Variants in CUX2 observed in about 807,000 individuals in gnomAD.
CUX2 encodes homeobox protein cut-like 2.
A neutral mutation model predicts 144.8 loss-of-function variants in CUX2; 40 were observed. The ratio of observed to expected loss-of-function variants is 0.28; its 90% CI spans 0.21 to 0.36. The LOEUF is 0.36. Ranked by LOEUF, CUX2 falls within the 10% of genes least tolerant of loss-of-function variation. The pLI is 1.00. For missense variants in CUX2, 1,615 were observed against 1,994.0 expected, an observed-to-expected ratio of 0.81 and a Z score of 3.62; for synonymous variants, 827 against 875.6, an observed-to-expected ratio of 0.94 and a Z score of 0.98.
intron 18 of CUX2, among the ~76,000 whole-genome samples, chr12:111,330,695 A>ATG (rs1173817335): frequency 1.1e-3 from 6 of 5,446 alleles, no homozygotes; most frequent in African/African-American, 5.7e-3. Flanking sequence ...ACATATATAT[A>ATG]TATATATATA....
intron 1 of CUX2, among the ~76,000 whole-genome samples, chr12:111,118,394 A>T (rs986867152): frequency 3.3e-5 from 5 of 152,164 alleles, no homozygotes; most frequent in Non-Finnish European, 7.4e-5. Flanking sequence ...ATCTCTCCCT[A>T]GCTGTGCGCT....
chr12:111,277,124 T>C lies in CUX2; in HGVS notation c.301+13285T>C, dbSNP rs946610391. Among the ~76,000 whole-genome samples the C allele has an allele frequency of 1.6e-4, 24 of 152,004 alleles. No individual in the cohort carries two copies. Among genetic ancestry groups the C allele is most frequent in the African/African-American group, 5.8e-4 (24 of 41,394 alleles). On this transcript the variant is annotated intron_variant, in intron 4 of 21. Coordinates refer to ENST00000261726, the MANE Select transcript of CUX2 (RefSeq NM_015267.4). The surrounding 1 kb of genome is among the most constrained non-coding windows in gnomAD (Gnocchi z 5.0). ...TGTGGGGGCCCCATCTGCCCCAGGA[T>C]GAATGGTTGCTGGAGTTTGAGGGAT...
At chr12:111,319,348 T>C (rs1216067893) in intron 16 of CUX2, among the ~76,000 whole-genome samples, 2 of 152,072 alleles carry the variant, frequency 1.3e-5, no homozygotes, top group Non-Finnish European at 2.9e-5. Flanking sequence ...TTAAAGAATT[T>C]TTTTTTTAAA....
In CUX2 at chr12:111,263,446, G is replaced by T. The variant is rs896117456; in HGVS notation, c.223-315G>T. 1.3e-5 allele frequency among the ~76,000 whole-genome samples: 2 copies of T among 152,114 alleles called. No homozygotes were observed. Among genetic ancestry groups the T allele is most frequent in the Non-Finnish European group, 2.9e-5 (2 of 68,026 alleles). On this transcript the variant is annotated intron_variant, in intron 3 of 21. Transcript: ENST00000261726. This position sits in a 1 kb window ranked among gnomAD's most constrained non-coding sequence, Gnocchi z 4.0. ...CGTGGTCAAACCGTCTCTACCAAAAGTACAAAAAAATTAGCTGGGCATGGT... is the reference window on the plus strand; with the variant it reads ...CGTGGTCAAACCGTCTCTACCAAAATTACAAAAAAATTAGCTGGGCATGGT...
chr12:111,067,990 A>T (rs1441098437), intron 1 of CUX2, among the ~76,000 whole-genome samples: 1 of 152,106 alleles, frequency 6.6e-6, no homozygotes. Flanking sequence ...AGGGCAGCCC[A>T]TCACGACCCC....
chr12:111,325,012 G>C (rs1275088510), intron 18 of CUX2, among the ~76,000 whole-genome samples: 2 of 151,502 alleles, frequency 1.3e-5, no homozygotes, highest in African/African-American at 4.9e-5. Context: ...CTGGCCGGGT[G>C]GGGTGCCTCA....
chr12:111,287,295 G>C lies in CUX2; in HGVS notation c.302-4123G>C, dbSNP rs187228781. 1.6e-3 allele frequency among the ~76,000 whole-genome samples: 243 copies of C among 152,368 alleles called. 3 individuals carry two copies. The highest frequency in any genetic ancestry group is 5.6e-3 in the African/African-American group (235 of 41,594). ...CAGCAGGGCCCCTGGGCCACGAGCC[G>C]GATCCTCCCCCTCCTTGGAACCGGA... On this transcript the variant is annotated intron_variant, in intron 4 of 21. Coordinates refer to ENST00000261726, the MANE Select transcript of CUX2 (RefSeq NM_015267.4). This position sits in a 1 kb window ranked among gnomAD's most constrained non-coding sequence, Gnocchi z 4.2.
intron 4 of CUX2, among the ~76,000 whole-genome samples, chr12:111,264,933 T>C (rs1482122864): frequency 6.6e-6 from 1 of 151,898 alleles, no homozygotes; most frequent in Non-Finnish European, 1.5e-5. Context: ...GGGAGGGAGA[T>C]TGGAGAGTGA....
intron 1 of CUX2, among the ~76,000 whole-genome samples, chr12:111,197,802 T>G (rs1405511783): frequency 1.3e-5 from 2 of 151,750 alleles, no homozygotes; most frequent in Non-Finnish European, 1.5e-5. Context: ...ATAGGAGAGG[T>G]TCACACAGTG....
At chr12:111,329,381 A>G (rs1887987542) in intron 18 of CUX2, among the ~76,000 whole-genome samples, 1 of 151,936 alleles carries the variant, frequency 6.6e-6, no homozygotes. Context: ...CCCTGTAATT[A>G]GCACAGTCTT....
intron 4 of CUX2, among the ~76,000 whole-genome samples, chr12:111,267,188 A>C: frequency 7.7e-6 from 1 of 129,930 alleles, no homozygotes; most frequent in Admixed American, 7.9e-5. Context: ...ACAGAGCAAG[A>C]CCCTGTCAAA....
At chr12:111,309,873 C>G (rs1025205057) in intron 14 of CUX2, among the ~76,000 whole-genome samples, 168 bp from the exon 15 acceptor site, 5 of 151,246 alleles carry the variant, frequency 3.3e-5, no homozygotes, top group African/African-American at 1.2e-4. Flanking sequence ...CTCTGTCTCG[C>G]TCTCCCTCTC....
chr12:111,203,546 A>G (rs74839713), intron 1 of CUX2, among the ~76,000 whole-genome samples: 14 of 145,770 alleles, frequency 9.6e-5, no homozygotes, highest in Admixed American at 8.9e-4. Context: ...CTCTCTCTCA[A>G]AAAAAAAAAA....
rs1565898499 is a variant in CUX2, at chr12:111,295,684, G to A, written c.637+275G>A. Among the ~76,000 whole-genome samples the A allele has an allele frequency of 6.6e-6, 1 of 152,070 alleles. No homozygotes were observed. The highest frequency in any genetic ancestry group is 1.5e-5 in the Non-Finnish European group (1 of 68,008). On this transcript the variant is annotated intron_variant, in intron 7 of 21. Coordinates refer to ENST00000261726, the MANE Select transcript of CUX2 (RefSeq NM_015267.4). The surrounding 1 kb of genome is among the most constrained non-coding windows in gnomAD (Gnocchi z 5.0). ...TGTAATCCTGGCACTTTGGGAGGCT[G>A]AAGTGGGAGGGTCGCTTGAACCCCA...
intron 1 of CUX2, among the ~76,000 whole-genome samples, chr12:111,108,345 C>T (rs904696969): frequency 6.6e-6 from 1 of 152,098 alleles, no homozygotes; most frequent in East Asian, 1.9e-4. Flanking sequence ...CTAATAAGTG[C>T]TTGTGTGGAA....
Position 111,293,371 on chromosome 12 carries a change from G to C in CUX2, c.437-75G>C. The stretch of plus-strand genomic sequence containing the variant: ...ATTGATCACAATCAATGATCGATCC[G>C]GTTTACAGAAAGCGGCTCTGGCTGC... On this transcript the variant is annotated intron_variant, in intron 5 of 21. Transcript: ENST00000261726. This position sits in a 1 kb window ranked among gnomAD's most constrained non-coding sequence, Gnocchi z 4.5. The C allele has an allele frequency of 6.6e-7, 1 of 1,526,120 alleles. No homozygotes were observed. Among genetic ancestry groups the C allele is most frequent in the South Asian group, 1.3e-5 (1 of 78,932 alleles). The allele number at this position is 1,526,120 out of a possible 1,614,324, so 94.5% of individuals were successfully genotyped here.
chr12:111,252,682 A>G (rs1883617242), intron 3 of CUX2, among the ~76,000 whole-genome samples: 1 of 151,652 alleles, frequency 6.6e-6, no homozygotes, highest in African/African-American at 2.4e-5. Context: ...TCATTCAGTC[A>G]GTGTTGGTTT....
At chr12:111,042,144 G>A (rs1182025059) in intron 1 of CUX2, among the ~76,000 whole-genome samples, 1 of 152,230 alleles carries the variant, frequency 6.6e-6, no homozygotes, top group African/African-American at 2.4e-5. Flanking sequence ...AGAGACGCTG[G>A]GGGGCCCAAC....
chr12:111,055,516 T>C (rs977876628), intron 1 of CUX2, among the ~76,000 whole-genome samples: 1 of 152,226 alleles, frequency 6.6e-6, no homozygotes, highest in African/African-American at 2.4e-5. Context: ...TGGAAAAAAA[T>C]TATTCTCTGA....
Sources: gnomAD v4.1 joint callset for allele counts (sites outside exome capture counted in the v4.1 genomes callset) on GRCh38, gnomAD v4.1.1 for gene constraint, Gnocchi (gnomAD v3.1) non-coding constraint, MANE v1.5 for transcripts, NCBI Gene and HGNC (gene_info 2026-07-23, HGNC 2026-07-21) for gene names.